Variants in MEP1A observed in about 807,000 individuals in gnomAD.
The protein encoded by MEP1A is meprin A subunit alpha.
In MEP1A, 68 loss-of-function variants were observed where a neutral mutation model predicts 84.5. That is an observed-to-expected ratio of 0.80 (90% CI 0.66 to 0.98). The LOEUF (loss-of-function observed/expected upper bound fraction) is 0.98, where lower values mean the gene tolerates loss of function less well. Ranked by LOEUF, MEP1A falls within the 50% of genes least tolerant of loss-of-function variation. MEP1A has a pLI of 0.00. For missense variants in MEP1A, 887 were observed against 919.9 expected, an observed-to-expected ratio of 0.96 and a Z score of 0.46; for synonymous variants, 337 against 336.8, an observed-to-expected ratio of 1.00 and a Z score of -0.01.
intron 3 of MEP1A, 51 bp from the exon 4 acceptor site, chr6:46,798,555 T>G (rs777489507): frequency 1.4e-6 from 2 of 1,439,460 alleles, no homozygotes; most frequent in East Asian, 4.5e-5. Context: ...AAGATGCCTT[T>G]TAATAATGTT....
rs561750087 is a variant in MEP1A at position 46,820,020 on chromosome 6, A to G, written c.556+316A>G. ...TTTCCTGTCTTACTGAGGAAAGTGAATCCAGATTTTAAAGTCATTTCTCTG... is the reference window on the plus strand; with the variant it reads ...TTTCCTGTCTTACTGAGGAAAGTGAGTCCAGATTTTAAAGTCATTTCTCTG... On this transcript the variant is annotated intron_variant, in intron 7 of 13. Coordinates refer to ENST00000230588, the MANE Select transcript of MEP1A (RefSeq NM_005588.3). Among the ~76,000 whole-genome samples, 62 of 152,318 alleles carry G rather than the reference A, an allele frequency of 4.1e-4. 1 individual carries two copies. Among genetic ancestry groups the G allele is most frequent in the African/African-American group, 1.5e-3 (61 of 41,576 alleles).
chr6:46,797,605 C>T (rs983346731), intron 3 of MEP1A, among the ~76,000 whole-genome samples: 3 of 152,072 alleles, frequency 2.0e-5, no homozygotes, highest in African/African-American at 7.2e-5. Context: ...GAGCAAAACA[C>T]ACTCATTTAC....
chr6:46,824,674 A>T (rs536633210), intron 7 of MEP1A, among the ~76,000 whole-genome samples: 1,316 of 131,342 alleles, frequency 0.01, 12 homozygotes, highest in Admixed American at 0.015. Context: ...ATTTAAATAG[A>T]TGTATTTAAA....
chr6:46,843,813 A>T (rs1272671679), downstream of MEP1A, among the ~76,000 whole-genome samples: 2 of 152,162 alleles, frequency 1.3e-5, no homozygotes, highest in Non-Finnish European at 2.9e-5. Flanking sequence ...AATTTTAGAG[A>T]TTCTGAAGTC....
chr6:46,803,665 A>G (rs1282766678), intron 5 of MEP1A, among the ~76,000 whole-genome samples: 2 of 151,556 alleles, frequency 1.3e-5, no homozygotes, highest in African/African-American at 2.4e-5. Context: ...CTTAAGATGA[A>G]AATTCATATC....
chr6:46,798,632 G>T lies in MEP1A; in HGVS notation c.172G>T (p.Asp58Tyr), dbSNP rs370281055. The T allele has an allele frequency of 3.1e-6, 5 of 1,613,966 alleles. No individual in the cohort carries two copies. The highest frequency in any genetic ancestry group is 4.2e-6 in the Non-Finnish European group (5 of 1,179,966). Residue 58 changes from aspartate (D) to tyrosine (Y), a missense_variant, in exon 4 of 14, where the codon GAC becomes TAC. Coordinates refer to ENST00000230588, the MANE Select transcript of MEP1A (RefSeq NM_005588.3). ...TGCAGGCTTGGACCTCTTTCAAGGG[G>T]ACATCCTCTTGCAGGTGAGTACCTG... Reference protein sequence around the residue: ...LAAGLDLFQGDILLQKSRNGL... With the variant: ...LAAGLDLFQGYILLQKSRNGL...
chr6:46,840,514 A>G (rs1411082126), downstream of MEP1A, among the ~76,000 whole-genome samples: 2 of 152,138 alleles, frequency 1.3e-5, no homozygotes, highest in South Asian at 2.1e-4. Context: ...CCTCACAGAC[A>G]CCTTGAGAAC....
chr6:46,799,680 T>C (rs1581662998), intron 5 of MEP1A, among the ~76,000 whole-genome samples: 1 of 152,232 alleles, frequency 6.6e-6, no homozygotes. Flanking sequence ...AAGAAAAAGA[T>C]CTGAATATGT....
intron 3 of MEP1A, among the ~76,000 whole-genome samples, chr6:46,795,244 A>G (rs980841281): frequency 6.6e-6 from 1 of 152,142 alleles, no homozygotes; most frequent in African/African-American, 2.4e-5. Context: ...CACACCTGAC[A>G]CACAATCTGT....
intron 5 of MEP1A, among the ~76,000 whole-genome samples, chr6:46,806,547 C>T (rs1767322235): frequency 1.3e-5 from 2 of 152,022 alleles, no homozygotes; most frequent in Admixed American, 1.3e-4. Flanking sequence ...ATTCTTCCTC[C>T]ACTGCAGTGG....
At chr6:46,828,714 C>A (rs1768003200) in intron 9 of MEP1A, among the ~76,000 whole-genome samples, 1 of 152,084 alleles carries the variant, frequency 6.6e-6, no homozygotes. Flanking sequence ...GTCAGGTAAA[C>A]CCTATCTCTG....
chr6:46,815,516 G>A (rs912537924), intron 6 of MEP1A, among the ~76,000 whole-genome samples: 3 of 152,134 alleles, frequency 2.0e-5, no homozygotes, highest in Admixed American at 1.3e-4. Context: ...CCCGGACCAC[G>A]AGCCTCCTTG....
intron 5 of MEP1A, among the ~76,000 whole-genome samples, chr6:46,808,949 G>T (rs946357069): frequency 3.3e-5 from 5 of 151,954 alleles, no homozygotes; most frequent in African/African-American, 1.2e-4. Context: ...TGTCTTTTTA[G>T]ATTGGGGTAA....
intron 10 of MEP1A, among the ~76,000 whole-genome samples, chr6:46,831,132 A>C (rs1293692386): frequency 3.3e-5 from 5 of 152,156 alleles, no homozygotes. Flanking sequence ...GGTTTTTTTA[A>C]GTAGTCTGTT....
chr6:46,831,680 C>T (rs1285369142), intron 10 of MEP1A, among the ~76,000 whole-genome samples: 1 of 152,178 alleles, frequency 6.6e-6, no homozygotes, highest in East Asian at 1.9e-4. Context: ...AAAGCAGGTA[C>T]TAATCAGCAA....
Position 46,821,833 on chromosome 6 carries a change from C to T in MEP1A, c.556+2129C>T, listed in dbSNP as rs575336970. Among the ~76,000 whole-genome samples, 212 of 152,252 alleles carry T rather than the reference C, an allele frequency of 1.4e-3. 1 individual carries two copies. The highest frequency in any genetic ancestry group is 5.0e-3 in the African/African-American group (208 of 41,546). ...CTCCTATCTGTGTTTTCATCAGGTA[C>T]AATTCCGTATATCTAAATTGCCTGC... On this transcript the variant is annotated intron_variant, in intron 7 of 13. Coordinates refer to ENST00000230588, the MANE Select transcript of MEP1A (RefSeq NM_005588.3).
At chr6:46,796,459 C>A (rs887405503) in intron 3 of MEP1A, among the ~76,000 whole-genome samples, 4 of 152,306 alleles carry the variant, frequency 2.6e-5, no homozygotes, top group African/African-American at 9.6e-5. Flanking sequence ...TCCCACTTTA[C>A]CTTTCATTTG....
chr6:46,817,403 A>G (rs749950327), intron 6 of MEP1A, among the ~76,000 whole-genome samples: 1 of 152,168 alleles, frequency 6.6e-6, no homozygotes, highest in Non-Finnish European at 1.5e-5. Context: ...GTAGTTAGAT[A>G]GTTTATTTTT....
intron 7 of MEP1A, among the ~76,000 whole-genome samples, chr6:46,824,172 C>T (rs1468600578): frequency 6.6e-6 from 1 of 152,018 alleles, no homozygotes; most frequent in Non-Finnish European, 1.5e-5. Context: ...TGAACATTTT[C>T]CTGAATTCAA....
Sources: gnomAD v4.1 joint callset for allele counts (sites outside exome capture counted in the v4.1 genomes callset) on GRCh38, gnomAD v4.1.1 for gene constraint, MANE v1.5 for transcripts, NCBI Gene and HGNC (gene_info 2026-07-23, HGNC 2026-07-21) for gene names.